Variants in HHAT observed in about 807,000 individuals in gnomAD.
HHAT encodes the protein hedgehog acyltransferase, also known as protein-cysteine N-palmitoyltransferase HHAT.
HHAT carries 47 observed loss-of-function variants against 70.8 expected under a neutral mutation model. The ratio of observed to expected loss-of-function variants is 0.66; its 90% confidence interval spans 0.53 to 0.85. The LOEUF (loss-of-function observed/expected upper bound fraction) is 0.85, where lower values mean the gene tolerates loss of function less well. Ranked by LOEUF, HHAT falls within the 40% of genes least tolerant of loss-of-function variation. The pLI is 0.00. For synonymous variants in HHAT, 228 were observed against 247.6 expected (o/e 0.92, Z 0.74); for missense variants, 609 against 604.8 (o/e 1.01, Z -0.07).
chr1:210,362,945 TCA>T (rs751844266), intron 3 of HHAT, 26 bp downstream of exon 3: 4 of 1,536,166 alleles, frequency 2.6e-6, no homozygotes, highest in East Asian at 2.2e-5. Flanking sequence ...ATAATAAATC[TCA>T]GTTTTCAAAC....
chr1:210,586,833 C>G (rs79840571), intron 9 of HHAT, among the ~76,000 whole-genome samples: 1,660 of 152,270 alleles, frequency 0.011, 30 homozygotes, highest in African/African-American at 0.034. Context: ...TTTTGTCCAA[C>G]TCAAGCAGGA....
intron 6 of HHAT, among the ~76,000 whole-genome samples, chr1:210,409,144 G>GC (rs2092439963): frequency 6.6e-6 from 1 of 152,170 alleles, no homozygotes; most frequent in Non-Finnish European, 1.5e-5. Context: ...GGGATTACAG[G>GC]CACACACCAT....
intron 8 of HHAT, among the ~76,000 whole-genome samples, chr1:210,496,443 CTT>C (rs2094645811): frequency 6.6e-6 from 1 of 152,172 alleles, no homozygotes; most frequent in Non-Finnish European, 1.5e-5. Flanking sequence ...CTCTGATTCT[CTT>C]CTCTTCTGTT....
At chr1:210,367,011 C>G (rs2089056051) in intron 3 of HHAT, among the ~76,000 whole-genome samples, 1 of 152,168 alleles carries the variant, frequency 6.6e-6, no homozygotes, top group Admixed American at 6.5e-5. Context: ...ATATGGAGCG[C>G]TGGGGACAGT....
intron 7 of HHAT, among the ~76,000 whole-genome samples, chr1:210,447,093 T>A (rs1412379786): frequency 6.6e-6 from 1 of 152,176 alleles, no homozygotes; most frequent in Non-Finnish European, 1.5e-5. Context: ...TCATTTGGGG[T>A]CTGAAGATCT....
At chr1:210,626,483 A>G (rs927173327) in intron 11 of HHAT, among the ~76,000 whole-genome samples, 2 of 152,104 alleles carry the variant, frequency 1.3e-5, no homozygotes, top group Admixed American at 6.5e-5. Context: ...TATGTCAGTG[A>G]TTATCCAAAT....
chr1:210,478,863 T>A (rs1460884366), intron 8 of HHAT, among the ~76,000 whole-genome samples: 3 of 152,148 alleles, frequency 2.0e-5, no homozygotes, highest in Non-Finnish European at 4.4e-5. Context: ...ATGAAATGTT[T>A]TTCTGGTGCT....
intron 8 of HHAT, among the ~76,000 whole-genome samples, chr1:210,481,862 T>A (rs2094402362): frequency 6.6e-6 from 1 of 152,154 alleles, no homozygotes; most frequent in African/African-American, 2.4e-5. Flanking sequence ...TGGAGGAGAT[T>A]ATGGGAGTCA....
At chr1:210,567,462 C>T (rs1012019460) in intron 9 of HHAT, among the ~76,000 whole-genome samples, 8 of 152,148 alleles carry the variant, frequency 5.3e-5, no homozygotes, top group Admixed American at 4.6e-4. Flanking sequence ...AAATGTTCAG[C>T]GCAGTACCTG....
chr1:210,429,180 C>G (rs1001033924), intron 7 of HHAT, among the ~76,000 whole-genome samples: 1 of 151,684 alleles, frequency 6.6e-6, no homozygotes, highest in Non-Finnish European at 1.5e-5. Context: ...ATGGATCTAC[C>G]ATGTAGATCC....
At chr1:210,646,099 T>A (rs768089013) in intron 11 of HHAT, among the ~76,000 whole-genome samples, 1 of 152,238 alleles carries the variant, frequency 6.6e-6, no homozygotes, top group Non-Finnish European at 1.5e-5. Flanking sequence ...CTGCTGACTG[T>A]GTTTGCTTTT....
chr1:210,555,653 T>G (rs1401553554), intron 9 of HHAT, among the ~76,000 whole-genome samples: 1 of 152,244 alleles, frequency 6.6e-6, no homozygotes, highest in Non-Finnish European at 1.5e-5. Context: ...CTCATAACTG[T>G]TAGATAACAG....
intron 8 of HHAT, among the ~76,000 whole-genome samples, chr1:210,485,748 G>T (rs2094464793): frequency 6.6e-6 from 1 of 152,034 alleles, no homozygotes; most frequent in Non-Finnish European, 1.5e-5. Flanking sequence ...CAGATCTCGT[G>T]AGACTCAGTC....
intron 2 of HHAT, among the ~76,000 whole-genome samples, chr1:210,359,957 T>C (rs1164732854): frequency 6.6e-6 from 1 of 152,210 alleles, no homozygotes; most frequent in Non-Finnish European, 1.5e-5. Flanking sequence ...CAGCTCTGTG[T>C]GAATTAAATT....
Position 210,404,687 on chromosome 1 carries a change from C to G in HHAT, c.684+8C>G. The G allele has an allele frequency of 1.2e-6, 2 of 1,606,300 alleles. No homozygotes were observed. Among genetic ancestry groups the G allele is most frequent in the Non-Finnish European group, 1.7e-6 (2 of 1,173,258 alleles). On this transcript the variant is annotated splice_region_variant and intron_variant, in intron 6 of 11. Transcript: ENST00000261458. ...TCGGAGTTCATCAAACAGGTAGAGCCCGCTGGGGATGGGATTGGGATTCTA... is the reference window on the plus strand; with the variant it reads ...TCGGAGTTCATCAAACAGGTAGAGCGCGCTGGGGATGGGATTGGGATTCTA...
At chr1:210,477,196 C>T (rs2094318409) in intron 8 of HHAT, among the ~76,000 whole-genome samples, 1 of 152,104 alleles carries the variant, frequency 6.6e-6, no homozygotes, top group African/African-American at 2.4e-5. Context: ...GGTAAGGAAT[C>T]AGGGAAGCTC....
chr1:210,463,177 G>A (rs1396413392), intron 7 of HHAT, among the ~76,000 whole-genome samples: 1 of 149,120 alleles, frequency 6.7e-6, no homozygotes, highest in Non-Finnish European at 1.5e-5. Flanking sequence ...TTGGAAGATA[G>A]CTCACATACC....
At chr1:210,383,028 CAAAAAAG>C in intron 3 of HHAT, among the ~76,000 whole-genome samples, 1 of 152,020 alleles carries the variant, frequency 6.6e-6, no homozygotes, top group East Asian at 1.9e-4. Flanking sequence ...CAGAACTACT[CAAAAAAG>C]AAAAAAGAAA....
intron 3 of HHAT, among the ~76,000 whole-genome samples, chr1:210,381,780 A>G (rs939585435): frequency 6.6e-6 from 1 of 152,210 alleles, no homozygotes; most frequent in African/African-American, 2.4e-5. Flanking sequence ...AAATCCAAAA[A>G]GACTCCAAAA....
Sources: gnomAD v4.1 joint callset for allele counts (sites outside exome capture counted in the v4.1 genomes callset) on GRCh38, gnomAD v4.1.1 for gene constraint, MANE v1.5 for transcripts, NCBI Gene and HGNC (gene_info 2026-07-23, HGNC 2026-07-21) for gene names.